Variants in CUX2 observed in about 807,000 individuals in gnomAD.
CUX2 encodes cut like homeobox 2, also known as homeobox protein cut-like 2.
Under a neutral mutation model 144.8 loss-of-function variants are expected in CUX2, and 40 were observed. The observed-to-expected ratio is 0.28, with a 90% CI of 0.21 to 0.36. The LOEUF (loss-of-function observed/expected upper bound fraction) is 0.36, where lower values mean the gene tolerates loss of function less well. CUX2 is among the 10% of genes least tolerant of loss of function. CUX2 has a pLI of 1.00. For synonymous variants in CUX2, 827 were observed against 875.6 expected (o/e 0.94, Z 0.98); for missense variants, 1,615 against 1,994.0 (o/e 0.81, Z 3.62).
intron 1 of CUX2, among the ~76,000 whole-genome samples, chr12:111,052,901 G>A (rs1350604377): frequency 2.6e-5 from 4 of 152,190 alleles, no homozygotes; most frequent in African/African-American, 7.2e-5. Context: ...GAGGTGACAC[G>A]GGCATGTGGG....
At chr12:111,136,136 G>T (rs1284433421) in intron 1 of CUX2, among the ~76,000 whole-genome samples, 1 of 151,960 alleles carries the variant, frequency 6.6e-6, no homozygotes, top group Non-Finnish European at 1.5e-5. Context: ...AGGCCTAAGG[G>T]GTGTGGATTG....
intron 8 of CUX2, among the ~76,000 whole-genome samples, chr12:111,297,802 G>A (rs889859254): frequency 6.6e-6 from 1 of 152,142 alleles, no homozygotes; most frequent in African/African-American, 2.4e-5. Flanking sequence ...CACATATTGA[G>A]CACTTACGGT....
rs370757379 is a variant in CUX2, at chr12:111,334,614, C to T, written c.3100C>T (p.Pro1034Ser). 4 of 1,614,036 alleles carry T rather than the reference C, an allele frequency of 2.5e-6. No homozygotes were observed. The highest frequency in any genetic ancestry group is 1.3e-5 in the African/African-American group (1 of 75,056). The change falls in exon 19 of 22, where the codon CCA (proline) becomes TCA (serine). Residue 1034 changes from proline (P) to serine (S), a missense_variant. Pro to Ser is a moderately conservative substitution (Grantham distance 74, BLOSUM62 -1). Coordinates refer to ENST00000261726, the MANE Select transcript of CUX2 (RefSeq NM_015267.4). ...SGKMYSGSQA[P>S]GGIQEIVAMS... ...GAAGATGTACTCAGGCAGCCAGGCC[C>T]CAGGGGGCATCCAGGAGATCGTGGC...
intron 15 of CUX2, among the ~76,000 whole-genome samples, chr12:111,311,755 T>C (rs552939480): frequency 1.2e-4 from 18 of 152,100 alleles, no homozygotes; most frequent in Non-Finnish European, 2.5e-4. Context: ...CAAGCCACCA[T>C]GCTTGGCTAA....
intron 1 of CUX2, among the ~76,000 whole-genome samples, chr12:111,124,390 G>A (rs769273635): frequency 6.6e-6 from 1 of 152,226 alleles, no homozygotes; most frequent in Non-Finnish European, 1.5e-5. Flanking sequence ...CTCAGACACT[G>A]AGTTGGGAAG....
rs79796233 is a variant in CUX2, at chr12:111,043,384, G to T, written c.63+9144G>T. On this transcript the variant is annotated intron_variant, in intron 1 of 21. Coordinates refer to ENST00000261726, the MANE Select transcript of CUX2 (RefSeq NM_015267.4). ...CAGCATTTGCAGAGACCCCGAGAAG[G>T]GTGGAAGAATTGTGCCTCCAAGGAA... is the stretch of plus-strand genomic sequence containing the variant. Among the ~76,000 whole-genome samples the T allele has an allele frequency of 1.8e-3, 270 of 152,302 alleles. 1 individual carries two copies. Among genetic ancestry groups the T allele is most frequent in the African/African-American group, 6.1e-3 (255 of 41,560 alleles).
chr12:111,058,455 T>C (rs1015909072), intron 1 of CUX2, among the ~76,000 whole-genome samples: 2 of 152,196 alleles, frequency 1.3e-5, no homozygotes, highest in African/African-American at 4.8e-5. Flanking sequence ...AAGATCTGAC[T>C]TTACTTTAAA....
intron 3 of CUX2, among the ~76,000 whole-genome samples, chr12:111,228,415 GGT>G (rs369288212): frequency 2.6e-5 from 4 of 151,428 alleles, no homozygotes; most frequent in East Asian, 1.9e-4. Context: ...TGAAAACTAT[GGT>G]GTGTGTGTGT....
chr12:111,330,686 CATATATATATATATATATATATATAT>C (rs57018141), intron 18 of CUX2, among the ~76,000 whole-genome samples: 2,973 of 59,212 alleles, frequency 0.05, 172 homozygotes, highest in Non-Finnish European at 0.086. Flanking sequence ...AATACATATA[CATATATATATATATATATATATATAT>C]ATATATATAT....
intron 1 of CUX2, among the ~76,000 whole-genome samples, chr12:111,073,722 C>T (rs556580105): frequency 1.6e-4 from 24 of 152,116 alleles, no homozygotes; most frequent in East Asian, 1.5e-3. Context: ...TGCTTTGGGA[C>T]GCCAAAGCAG....
Position 111,320,766 on chromosome 12 carries a change from C to T in CUX2, c.2757C>T (p.Phe919=), listed in dbSNP as rs1887486020. Reference sequence around the variant, plus strand: ...AGAACGGCATCTGCCAGAGGATCTTCGGGGAGAAGGTGAGTGCAGGGCGGG... The same window carrying T: ...AGAACGGCATCTGCCAGAGGATCTTTGGGGAGAAGGTGAGTGCAGGGCGGG... ...LAKNGICQRI[F]GEKVLGLSQG... is the part of the protein sequence containing the mutation. Residue 919 remains phenylalanine (F), a synonymous_variant, in exon 17 of 22, where the codon TTC becomes TTT. Transcript: ENST00000261726. The surrounding 1 kb of genome is among the most constrained non-coding windows in gnomAD (Gnocchi z 8.1). 1 of 1,562,984 alleles carries T rather than the reference C, an allele frequency of 6.4e-7. No individual in the cohort carries two copies. Among genetic ancestry groups the T allele is most frequent in the South Asian group, 1.1e-5 (1 of 87,908 alleles).
At chr12:111,220,978 C>T (rs1266604709) in intron 3 of CUX2, among the ~76,000 whole-genome samples, 1 of 138,316 alleles carries the variant, frequency 7.2e-6, no homozygotes, top group Admixed American at 7.3e-5. Flanking sequence ...AGGATTCAAA[C>T]ACTTCAGCAG....
chr12:111,063,165 A>G (rs1870856435), intron 1 of CUX2, among the ~76,000 whole-genome samples: 1 of 152,200 alleles, frequency 6.6e-6, no homozygotes, highest in Non-Finnish European at 1.5e-5. Flanking sequence ...AAAGTTCCCC[A>G]GTCTCCCAAG....
intron 19 of CUX2, among the ~76,000 whole-genome samples, chr12:111,335,040 A>G (rs1368001516): frequency 1.3e-5 from 2 of 152,094 alleles, no homozygotes; most frequent in African/African-American, 4.8e-5. Flanking sequence ...GGCTGCAGTG[A>G]GCTATGATCA....
chr12:111,220,634 C>T (rs1232478470), intron 3 of CUX2, among the ~76,000 whole-genome samples: 1 of 149,300 alleles, frequency 6.7e-6, no homozygotes, highest in Non-Finnish European at 1.5e-5. Context: ...AAGCCAGGTG[C>T]AGTCACTCAT....
At chr12:111,345,676 C>T (rs1050926767) in intron 21 of CUX2, among the ~76,000 whole-genome samples, 1 of 139,968 alleles carries the variant, frequency 7.1e-6, no homozygotes, top group African/African-American at 2.7e-5. Flanking sequence ...CGGGAGCTTG[C>T]GGTGAGCCAA....
At chr12:111,049,569 C>T (rs1302820399) in intron 1 of CUX2, among the ~76,000 whole-genome samples, 1 of 152,204 alleles carries the variant, frequency 6.6e-6, no homozygotes, top group Non-Finnish European at 1.5e-5. Context: ...GCCCTGCAGG[C>T]CTGTGAGGTT....
At chr12:111,127,720 C>T (rs919553427) in intron 1 of CUX2, among the ~76,000 whole-genome samples, 6 of 152,170 alleles carry the variant, frequency 3.9e-5, no homozygotes, top group African/African-American at 1.4e-4. Context: ...AAGAGACATA[C>T]CTGAGACTGG....
intron 1 of CUX2, among the ~76,000 whole-genome samples, chr12:111,140,568 G>A (rs1041841192): frequency 3.3e-5 from 5 of 152,118 alleles, no homozygotes; most frequent in African/African-American, 1.2e-4. Flanking sequence ...ATATTAATAG[G>A]TTTCATCCAC....
Sources: gnomAD v4.1 joint callset for allele counts (sites outside exome capture counted in the v4.1 genomes callset) on GRCh38, gnomAD v4.1.1 for gene constraint, Gnocchi (gnomAD v3.1) non-coding constraint, MANE v1.5 for transcripts, NCBI Gene and HGNC (gene_info 2026-07-23, HGNC 2026-07-21) for gene names.